FAT3: variants seen among roughly 807,000 people sequenced by gnomAD.
FAT3 encodes the protein FAT atypical cadherin 3, also known as protocadherin Fat 3.
FAT3 carries 95 observed loss-of-function variants against 310.2 expected under a neutral mutation model. The observed-to-expected ratio is 0.31, with a 90% confidence interval of 0.26 to 0.36. The LOEUF (loss-of-function observed/expected upper bound fraction) is 0.36. Ranked by LOEUF, FAT3 falls within the 10% of genes least tolerant of loss-of-function variation. The probability of loss-of-function intolerance (pLI) is 1.00; values close to 1 mark genes in which losing one functional copy is unlikely to be tolerated. For synonymous variants in FAT3, 2,314 were observed against 2,192.9 expected, an observed-to-expected ratio of 1.06 and a Z score of -1.54; for missense variants, 5,408 against 5,715.6, an observed-to-expected ratio of 0.95 and a Z score of 1.74.
rs746466630 is a variant in FAT3 at position 92,890,570 on chromosome 11, G to A, written c.13227G>A (p.Gln4409=). The part of the protein sequence containing the change: ...DIEEVPNYEN[Q]DGGSAHQGST... The stretch of plus-strand genomic sequence containing the variant: ...AGGAAGTGCCCAACTATGAGAACCA[G>A]GATGGAGGGTCTGCACACCAGGGGA... The change falls in exon 28 of 28, where the codon CAG becomes CAA. Residue 4409 remains glutamine (Q), a synonymous_variant. Transcript: ENST00000525166. 2.5e-6 allele frequency: 4 copies of A among 1,613,454 alleles called. No individual in the cohort carries two copies. The highest frequency in any genetic ancestry group is 3.3e-5 in the Admixed American group (2 of 59,982).
intron 21 of FAT3, among the ~76,000 whole-genome samples, chr11:92,860,796 A>G (rs936906841): frequency 6.6e-6 from 1 of 152,182 alleles, no homozygotes; most frequent in Non-Finnish European, 1.5e-5. Flanking sequence ...ATGATCACAT[A>G]GGGCTTTACT....
chr11:92,643,589 C>T (rs1423569446), intron 3 of FAT3, among the ~76,000 whole-genome samples: 3 of 152,176 alleles, frequency 2.0e-5, no homozygotes, highest in African/African-American at 7.2e-5. Flanking sequence ...TAAAGATACA[C>T]TGTAAACTAT....
intron 2 of FAT3, among the ~76,000 whole-genome samples, chr11:92,363,559 A>G (rs953401300): frequency 1.6e-4 from 24 of 152,204 alleles, no homozygotes; most frequent in Admixed American, 1.5e-3. Flanking sequence ...GAGGAATAAG[A>G]CAGATGTTAT....
At chr11:92,361,547 G>A (rs1489538590) in intron 2 of FAT3, among the ~76,000 whole-genome samples, 1 of 152,280 alleles carries the variant, frequency 6.6e-6, no homozygotes, top group Non-Finnish European at 1.5e-5. Flanking sequence ...CTAGCAGGCA[G>A]CATCTGTGAG....
At chr11:92,813,347 T>C (rs1947733241) in intron 13 of FAT3, among the ~76,000 whole-genome samples, 1 of 152,172 alleles carries the variant, frequency 6.6e-6, no homozygotes, top group South Asian at 2.1e-4. Context: ...AAGTGCCCCT[T>C]CACCCAGCCC....
chr11:92,554,057 T>C (rs1186782), intron 3 of FAT3, among the ~76,000 whole-genome samples: 59,143 of 151,574 alleles, frequency 0.39, 12,255 homozygotes, highest in Middle Eastern at 0.53. Flanking sequence ...CTGCCCACCT[T>C]AGACTCCCAA....
rs1393731964 is a variant in FAT3, at chr11:92,797,889, T to G, written c.4876T>G (p.Cys1626Gly). The G allele has an allele frequency of 6.2e-7, 1 of 1,613,822 alleles. No individual in the cohort carries two copies. Among genetic ancestry groups the G allele is most frequent in the African/African-American group, 1.3e-5 (1 of 74,924 alleles). Residue 1626 changes from cysteine to glycine, a missense_variant, in exon 10 of 28, where the codon TGC becomes GGC. Coordinates refer to ENST00000525166, the MANE Select transcript of FAT3 (RefSeq NM_001367949.2). ...IEPVLGIITI[C>G]KEPDMTTMGQ... ...ACCGGTCCTAGGCATCATCACCATT[T>G]GCAAAGAACCAGACATGACGACGAT... is the stretch of plus-strand genomic sequence containing the variant.
intron 13 of FAT3, among the ~76,000 whole-genome samples, chr11:92,810,455 G>T (rs536889636): frequency 2.0e-5 from 3 of 152,294 alleles, no homozygotes; most frequent in East Asian, 3.9e-4. Context: ...GAAGCAAGGA[G>T]AATTTGATTT....
chr11:92,771,169 T>C (rs1161870018), intron 6 of FAT3, among the ~76,000 whole-genome samples: 2 of 152,276 alleles, frequency 1.3e-5, no homozygotes, highest in East Asian at 1.9e-4. Context: ...CCACCTTTTG[T>C]TGAGCCTAAC....
chr11:92,640,153 T>C (rs556398239), intron 3 of FAT3, among the ~76,000 whole-genome samples: 1 of 152,230 alleles, frequency 6.6e-6, no homozygotes, highest in East Asian at 1.9e-4. Context: ...ATCAGGGTCC[T>C]CTAACTGATT....
chr11:92,346,842 A>G (rs1948434410), intron 1 of FAT3, among the ~76,000 whole-genome samples: 1 of 152,176 alleles, frequency 6.6e-6, no homozygotes, highest in Non-Finnish European at 1.5e-5. Context: ...AAGAAAGGAC[A>G]TTCTTTCCTT....
At chr11:92,460,672 A>G (rs144106502) in intron 2 of FAT3, among the ~76,000 whole-genome samples, 34 of 152,338 alleles carry the variant, frequency 2.2e-4, no homozygotes, top group African/African-American at 7.7e-4. Flanking sequence ...AGACAAATAG[A>G]TGAAATTTAG....
At chr11:92,489,224 C>G (rs997269143) in intron 2 of FAT3, among the ~76,000 whole-genome samples, 10 of 152,120 alleles carry the variant, frequency 6.6e-5, no homozygotes, top group African/African-American at 2.4e-4. Flanking sequence ...CCCACTCTTG[C>G]TTCTCATGTT....
In FAT3 at chr11:92,798,444, C is replaced by T. The variant is rs1460331467; in HGVS notation, c.5431C>T (p.Leu1811Phe). 1 of 1,613,294 alleles carries T rather than the reference C, an allele frequency of 6.2e-7. No individual in the cohort carries two copies. Among genetic ancestry groups the T allele is most frequent in the African/African-American group, 1.3e-5 (1 of 74,888 alleles). Residue 1811 changes from leucine (L) to phenylalanine (F), a missense_variant, in exon 10 of 28, where the codon CTT becomes TTT. Leu to Phe is a conservative substitution (Grantham distance 22). Coordinates refer to ENST00000525166, the MANE Select transcript of FAT3 (RefSeq NM_001367949.2). ...TDADSNRNALLVYQIVESTAK... is the reference protein window; with the variant it reads ...TDADSNRNALFVYQIVESTAK... ...TGCTGACAGCAACCGGAATGCTCTGCTTGTGTATCAGATTGTGGAGTCAAC... is the reference window on the plus strand; with the variant it reads ...TGCTGACAGCAACCGGAATGCTCTGTTTGTGTATCAGATTGTGGAGTCAAC...
chr11:92,345,428 G>A (rs529558201), intron 1 of FAT3, among the ~76,000 whole-genome samples: 1 of 152,178 alleles, frequency 6.6e-6, no homozygotes, highest in Non-Finnish European at 1.5e-5. Context: ...ATTTAGAGCA[G>A]TGGTTCTCAA....
intron 1 of FAT3, among the ~76,000 whole-genome samples, chr11:92,318,014 C>T (rs1365027972): frequency 6.6e-6 from 1 of 152,152 alleles, no homozygotes; most frequent in African/African-American, 2.4e-5. Flanking sequence ...CATATGTCTT[C>T]ACTCTGAAAT....
At chr11:92,603,068 C>T (rs548021458) in intron 3 of FAT3, among the ~76,000 whole-genome samples, 32 of 152,258 alleles carry the variant, frequency 2.1e-4, no homozygotes, top group Non-Finnish European at 3.7e-4. Flanking sequence ...TCATTTAACC[C>T]AAACTTTACT....
intron 19 of FAT3, among the ~76,000 whole-genome samples, chr11:92,851,770 AAC>A (rs59020775): frequency 0.15 from 22,650 of 152,134 alleles, 1,719 homozygotes; most frequent in South Asian, 0.22. Flanking sequence ...GCTGTCACCA[AAC>A]ACAGCACAAG....
intron 3 of FAT3, among the ~76,000 whole-genome samples, chr11:92,669,620 GT>G (rs1447984715): frequency 6.6e-6 from 1 of 152,172 alleles, no homozygotes; most frequent in Non-Finnish European, 1.5e-5. Context: ...CAAAAAGCCA[GT>G]TTTTGCATTC....
Sources: allele counts gnomAD v4.1 joint callset (sites outside exome capture counted in the v4.1 genomes callset), GRCh38; gene constraint gnomAD v4.1.1; transcripts MANE v1.5; gene names NCBI Gene and HGNC (gene_info 2026-07-23, HGNC 2026-07-21).